The following KDM7A variants were observed in gnomAD, a reference collection of about 807,000 sequenced individuals.
KDM7A encodes the protein lysine-specific demethylase 7A.
Under a neutral mutation model 114.8 loss-of-function variants are expected in KDM7A, and 28 were observed. The ratio of observed to expected loss-of-function variants is 0.24; its 90% CI spans 0.18 to 0.33. The LOEUF is 0.33. Among genes scored for constraint, KDM7A ranks in the 10% least tolerant of loss-of-function variants. The pLI is 1.00. For synonymous variants in KDM7A, 423 were observed against 397.8 expected (o/e 1.06, Z -0.75); for missense variants, 942 against 1,142.5 (o/e 0.82, Z 2.53).
chr7:140,157,421 G>A (rs1400546152), intron 1 of KDM7A, among the ~76,000 whole-genome samples: 1 of 152,216 alleles, frequency 6.6e-6, no homozygotes, highest in Non-Finnish European at 1.5e-5. Context: ...GGGAGGCCGA[G>A]GTGGGAGGGT....
At chr7:140,173,036 A>C (rs1341803876) in intron 1 of KDM7A, among the ~76,000 whole-genome samples, 1 of 152,182 alleles carries the variant, frequency 6.6e-6, no homozygotes, top group Non-Finnish European at 1.5e-5. Context: ...GAAAACAGAA[A>C]CTCTAATACA....
rs1585132401 is a variant in KDM7A at position 140,086,120 on chromosome 7, A to C, written c.*4974T>G. ...AGCTCCATTTATGACTACTTTCTGA[A>C]AGAAAGAGAAGTGAATTCAGAGTGT... On this transcript the variant is annotated 3_prime_UTR_variant, in exon 20 of 20. Coordinates refer to ENST00000397560, the MANE Select transcript of KDM7A (RefSeq NM_030647.2). The C allele has an allele frequency of 6.6e-6, 1 of 152,208 alleles. No homozygotes were observed. Among genetic ancestry groups the C allele is most frequent in the Non-Finnish European group, 1.5e-5 (1 of 68,042 alleles). The allele number at this position is 152,208 out of a possible 1,614,324, so 9.4% of individuals were successfully genotyped here. A position where few individuals can be genotyped will look rare whatever the true frequency, so the allele number is the denominator to read the frequency against.
chr7:140,167,173 A>G (rs1298347501), intron 1 of KDM7A, among the ~76,000 whole-genome samples: 2 of 152,234 alleles, frequency 1.3e-5, no homozygotes, highest in African/African-American at 4.8e-5. Context: ...TTAACATATC[A>G]GCTCTCATAA....
Position 140,088,981 on chromosome 7 carries a change from A to G in KDM7A, c.*2113T>C, listed in dbSNP as rs1365604930. ...GAAAAAAGAAAACCCAGATCATGAT[A>G]TAACACGAAAAGGAAATTATAGCTC... is the stretch of plus-strand genomic sequence containing the variant. On this transcript the variant is annotated 3_prime_UTR_variant, in exon 20 of 20. Transcript: ENST00000397560. 1 of 152,398 alleles carries G rather than the reference A, an allele frequency of 6.6e-6. No homozygotes were observed. The highest frequency in any genetic ancestry group is 1.5e-5 in the Non-Finnish European group (1 of 68,190). 9.4% of individuals were successfully genotyped at this position (152,398 alleles called of 1,614,324 possible).
At chr7:140,114,302 G>T (rs1012310971) in intron 9 of KDM7A, among the ~76,000 whole-genome samples, 1 of 151,922 alleles carries the variant, frequency 6.6e-6, no homozygotes, top group East Asian at 1.9e-4. Flanking sequence ...CGAGTGCCTG[G>T]GATTGCAGGC....
intron 1 of KDM7A, among the ~76,000 whole-genome samples, chr7:140,168,046 T>G (rs1165855890): frequency 6.6e-6 from 1 of 152,098 alleles, no homozygotes; most frequent in Non-Finnish European, 1.5e-5. Flanking sequence ...CAAATGCAGA[T>G]TAAAACATAG....
At position 140,124,763 on chromosome 7, in the gene KDM7A, T is replaced by G; in HGVS notation, c.909A>C (p.Leu303Phe). ...CCAAATTTTCATCTGTTGGCTTTAT[T>G]AAATAAAAAATCTTCTCACCCTAAA... ...HVLWGEKIFYLIKPTDENLAR... is the reference protein window; with the variant it reads ...HVLWGEKIFYFIKPTDENLAR... The change falls in exon 7 of 20, where the codon TTA (leucine) becomes TTC (phenylalanine). Residue 303 changes from leucine to phenylalanine, a missense_variant. Physicochemically the swap from Leu to Phe is conservative, Grantham distance 22 (BLOSUM62 0). This residue lies in a region of KDM7A where 318 missense variants were observed against 453.1 expected (regional missense o/e 0.70). Coordinates refer to ENST00000397560, the MANE Select transcript of KDM7A (RefSeq NM_030647.2). 6.2e-7 allele frequency: 1 copy of G among 1,607,036 alleles called. No individual in the cohort carries two copies. Among genetic ancestry groups the G allele is most frequent in the Non-Finnish European group, 8.5e-7 (1 of 1,176,784 alleles).
In KDM7A at chr7:140,089,191, T is replaced by C. The variant is rs1292399582; in HGVS notation, c.*1903A>G. 6.6e-6 allele frequency: 1 copy of C among 152,186 alleles called. No homozygotes were observed. The highest frequency in any genetic ancestry group is 1.5e-5 in the Non-Finnish European group (1 of 68,022). The allele number at this position is 152,186 out of a possible 1,614,324, so 9.4% of individuals were successfully genotyped here. A position where few individuals can be genotyped will look rare whatever the true frequency, so the allele number is the denominator to read the frequency against. ...CATCTTTCCACTGGTTTTGGCATAG[T>C]GTAGACAGGGTTTACACGGGTTGTT... On this transcript the variant is annotated 3_prime_UTR_variant, in exon 20 of 20. Coordinates refer to ENST00000397560, the MANE Select transcript of KDM7A (RefSeq NM_030647.2).
intron 1 of KDM7A, among the ~76,000 whole-genome samples, chr7:140,166,335 CTTTTTTT>C (rs746518929): frequency 8.5e-5 from 11 of 128,672 alleles, no homozygotes; most frequent in East Asian, 4.3e-4. Flanking sequence ...CTTTTTTTTC[CTTTTTTT>C]TTTTTTTTTT....
chr7:140,125,491 A>T (rs567181329), intron 6 of KDM7A, among the ~76,000 whole-genome samples: 22 of 152,378 alleles, frequency 1.4e-4, no homozygotes, highest in Admixed American at 7.2e-4. Flanking sequence ...ATTTAGTCAC[A>T]CATGGCTAGT....
At chr7:140,150,689 C>T (rs1382461254) in intron 1 of KDM7A, among the ~76,000 whole-genome samples, 2 of 152,188 alleles carry the variant, frequency 1.3e-5, no homozygotes, top group Non-Finnish European at 2.9e-5. Flanking sequence ...AGGAGAATTG[C>T]TTTTCACCAT....
intron 7 of KDM7A, 37 bp downstream of exon 7, chr7:140,124,584 C>T (rs763006234): frequency 6.6e-7 from 1 of 1,523,222 alleles, no homozygotes; most frequent in South Asian, 1.2e-5. Flanking sequence ...ATGTGACTAT[C>T]AATCATGTTG....
Position 140,129,897 on chromosome 7 carries a change from C to A in KDM7A, c.399-244G>T, listed in dbSNP as rs115331015. 1.2e-3 allele frequency among the ~76,000 whole-genome samples: 181 copies of A among 152,024 alleles called. 1 individual carries two copies. The highest frequency in any genetic ancestry group is 4.2e-3 in the African/African-American group (174 of 41,470). On this transcript the variant is annotated intron_variant, in intron 3 of 19. Transcript: ENST00000397560. ...TAATTAGAAATATATATAAACTGGT[C>A]TAAATGCAAAAAGAAAAAACCAACC...
intron 11 of KDM7A, among the ~76,000 whole-genome samples, chr7:140,106,746 A>G (rs1818343522): frequency 6.6e-6 from 1 of 152,222 alleles, no homozygotes; most frequent in South Asian, 2.1e-4. Context: ...CGTAGTGCTG[A>G]GAAGAATGTA....
chr7:140,142,138 AGAT>A (rs1794290638), intron 1 of KDM7A, among the ~76,000 whole-genome samples: 1 of 149,740 alleles, frequency 6.7e-6, no homozygotes, highest in Non-Finnish European at 1.5e-5. Context: ...ATTCCAAAGT[AGAT>A]GATAAACCTA....
intron 6 of KDM7A, 110 bp downstream of exon 6, chr7:140,126,527 A>C (rs917159436): frequency 9.9e-6 from 6 of 603,910 alleles, no homozygotes; most frequent in Non-Finnish European, 1.6e-5. Flanking sequence ...AAAAAAAAAA[A>C]AAAAAACTTC....
At position 140,088,270 on chromosome 7, in the gene KDM7A, T is replaced by A; in HGVS notation, c.*2824A>T. 2.7e-6 allele frequency: 1 copy of A among 365,914 alleles called. No individual in the cohort carries two copies. Among genetic ancestry groups the A allele is most frequent in the Non-Finnish European group, 4.9e-6 (1 of 205,540 alleles). The allele number at this position is 365,914 out of a possible 1,614,324, so 22.7% of individuals were successfully genotyped here. A position where few individuals can be genotyped will look rare whatever the true frequency, so the allele number is the denominator to read the frequency against. On this transcript the variant is annotated 3_prime_UTR_variant, in exon 20 of 20. Coordinates refer to ENST00000397560, the MANE Select transcript of KDM7A (RefSeq NM_030647.2). Reference sequence around the variant, plus strand: ...AACTTTATATTGTTTACATCACTCATCAATATTGAAAAGCATAATATTATG... The same window carrying A: ...AACTTTATATTGTTTACATCACTCAACAATATTGAAAAGCATAATATTATG...
At chr7:140,143,964 C>T (rs1303945382) in intron 1 of KDM7A, among the ~76,000 whole-genome samples, 1 of 152,120 alleles carries the variant, frequency 6.6e-6, no homozygotes, top group Non-Finnish European at 1.5e-5. Flanking sequence ...ATTTCCAATT[C>T]AATAAATAAA....
intron 12 of KDM7A, among the ~76,000 whole-genome samples, chr7:140,100,711 CATATATATATATATAT>C (rs58767645): frequency 3.5e-5 from 2 of 56,984 alleles, no homozygotes; most frequent in South Asian, 1.3e-3. Context: ...TATATATACA[CATATATATATATATAT>C]ATATATATAT....
Sources: allele counts gnomAD v4.1 joint callset (sites outside exome capture counted in the v4.1 genomes callset), GRCh38; gene constraint gnomAD v4.1.1; regional missense constraint gnomAD v4.1.1; transcripts MANE v1.5; gene names NCBI Gene and HGNC (gene_info 2026-07-23, HGNC 2026-07-21).